The following RBFOX1 variants were observed in gnomAD, a reference collection of about 807,000 sequenced individuals.
RBFOX1 encodes RNA binding protein fox-1 homolog 1.
RBFOX1 carries 8 observed loss-of-function variants against 57.7 expected under a neutral mutation model. The ratio of observed to expected loss-of-function variants is 0.14; its 90% CI spans 0.08 to 0.25. RBFOX1 has a LOEUF of 0.25. RBFOX1 is among the 10% of genes least tolerant of loss of function. The pLI is 1.00. For synonymous variants in RBFOX1, 326 were observed against 222.4 expected, an observed-to-expected ratio of 1.47 and a Z score of -4.15; for missense variants, 611 against 548.5, an observed-to-expected ratio of 1.11 and a Z score of -1.14.
chr16:5,722,853 T>C (rs2051987452), intron 3 of RBFOX1, among the ~76,000 whole-genome samples: 2 of 152,236 alleles, frequency 1.3e-5, no homozygotes, highest in African/African-American at 4.8e-5. Flanking sequence ...CCCTACCCTC[T>C]GCCACTTAAC....
intron 3 of RBFOX1, among the ~76,000 whole-genome samples, chr16:6,731,769 T>A (rs968618348): frequency 6.6e-6 from 1 of 152,160 alleles, no homozygotes; most frequent in Non-Finnish European, 1.5e-5. Flanking sequence ...TTCTTCCCTG[T>A]GCTAATTTCT....
At chr16:6,152,690 A>T (rs1347884895) in intron 1 of RBFOX1, among the ~76,000 whole-genome samples, 1 of 74,364 alleles carries the variant, frequency 1.3e-5, no homozygotes, top group Non-Finnish European at 3.1e-5. Context: ...GTACCTTCAA[A>T]TCACATATGA....
chr16:7,573,557 G>A (rs1043033249), intron 5 of RBFOX1, among the ~76,000 whole-genome samples: 3 of 152,184 alleles, frequency 2.0e-5, no homozygotes, highest in African/African-American at 7.2e-5. Context: ...TTTATGGCCA[G>A]GCACAGTGGC....
intron 2 of RBFOX1, among the ~76,000 whole-genome samples, chr16:6,351,352 G>GTGTATATATA (rs1474177476): frequency 6.1e-4 from 56 of 92,432 alleles, no homozygotes; most frequent in African/African-American, 2.6e-3. Flanking sequence ...GTGTGTGTGT[G>GTGTATATATA]TATATATATA....
intron 2 of RBFOX1, among the ~76,000 whole-genome samples, chr16:6,432,566 C>T (rs185672102): frequency 2.6e-5 from 4 of 151,784 alleles, no homozygotes; most frequent in East Asian, 1.9e-4. Flanking sequence ...CCTGTAATCC[C>T]AGCTTCTGGG....
At chr16:6,762,601 A>G (rs145124169) in intron 3 of RBFOX1, among the ~76,000 whole-genome samples, 77 of 152,316 alleles carry the variant, frequency 5.1e-4, no homozygotes, top group African/African-American at 1.8e-3. Flanking sequence ...AATCTTAGAT[A>G]TGAAAGGAAC....
At chr16:7,591,162 A>G (rs746566508) in intron 7 of RBFOX1, among the ~76,000 whole-genome samples, 3 of 152,148 alleles carry the variant, frequency 2.0e-5, no homozygotes, top group Non-Finnish European at 4.4e-5. Flanking sequence ...AGAATTTCCC[A>G]GGGAGGGGAA....
At chr16:7,337,201 G>A (rs751142828) in intron 4 of RBFOX1, among the ~76,000 whole-genome samples, 1 of 152,124 alleles carries the variant, frequency 6.6e-6, no homozygotes, top group African/African-American at 2.4e-5. Flanking sequence ...ATTTGGACTG[G>A]ATTTGTTGAA....
intron 3 of RBFOX1, among the ~76,000 whole-genome samples, chr16:6,769,935 G>A (rs143630868): frequency 7.4e-4 from 113 of 152,258 alleles, no homozygotes; most frequent in Non-Finnish European, 1.3e-3. Context: ...GGGGGATTTC[G>A]TGAACTGTTC....
chr16:5,504,479 A>T (rs2043308831), intron 2 of RBFOX1, among the ~76,000 whole-genome samples: 1 of 152,254 alleles, frequency 6.6e-6, no homozygotes, highest in Non-Finnish European at 1.5e-5. Context: ...GAGCTGAGGC[A>T]GTCACTGTCC....
At chr16:5,543,933 C>G (rs1434334955) in intron 2 of RBFOX1, among the ~76,000 whole-genome samples, 1 of 152,116 alleles carries the variant, frequency 6.6e-6, no homozygotes. Flanking sequence ...AAAGTCCAAA[C>G]CTGAAATAAC....
chr16:6,976,517 G>A (rs1341355221), intron 3 of RBFOX1, among the ~76,000 whole-genome samples: 1 of 151,992 alleles, frequency 6.6e-6, no homozygotes, highest in African/African-American at 2.4e-5. Flanking sequence ...AAAGAATTTG[G>A]GGTGAGTCCA....
rs556803850 is a variant in RBFOX1, at chr16:7,148,386, C to A, written c.27+96288C>A. 2.0e-5 allele frequency among the ~76,000 whole-genome samples: 3 copies of A among 152,288 alleles called. No individual in the cohort carries two copies. In the East Asian group the frequency reaches 5.8e-4, roughly 29 times the overall value. On this transcript the variant is annotated intron_variant, in intron 4 of 15. Coordinates refer to ENST00000550418, the MANE Select transcript of RBFOX1 (RefSeq NM_018723.4). ...TTATCATATTAATTTTTTGCATTAA[C>A]CAACACTCCCCTCTTTTGAATTTTC...
chr16:5,937,819 T>C (rs1006285551), intron 4 of RBFOX1, among the ~76,000 whole-genome samples: 1 of 150,320 alleles, frequency 6.7e-6, no homozygotes, highest in Non-Finnish European at 1.5e-5. Context: ...TACAAATATA[T>C]GTTCATAGTA....
chr16:6,889,904 A>G (rs942578061), intron 3 of RBFOX1, among the ~76,000 whole-genome samples: 49 of 152,338 alleles, frequency 3.2e-4, no homozygotes, highest in Middle Eastern at 3.4e-3. Context: ...AACACATTGT[A>G]TAGCATTCAA....
chr16:6,173,669 G>T (rs895416376), intron 1 of RBFOX1, among the ~76,000 whole-genome samples: 1 of 135,386 alleles, frequency 7.4e-6, no homozygotes, highest in Non-Finnish European at 1.5e-5. Context: ...GAGTGCAGTG[G>T]CACAATGTCA....
intron 3 of RBFOX1, among the ~76,000 whole-genome samples, chr16:6,673,585 C>T (rs570601569): frequency 6.6e-6 from 1 of 152,070 alleles, no homozygotes; most frequent in Non-Finnish European, 1.5e-5. Context: ...GCCTGGGAGA[C>T]AGAGCGAGAC....
At chr16:7,268,934 G>C (rs890096713) in intron 4 of RBFOX1, among the ~76,000 whole-genome samples, 1 of 151,102 alleles carries the variant, frequency 6.6e-6, no homozygotes, top group South Asian at 2.1e-4. Context: ...CTACTCAGGA[G>C]CCTGAGGCAG....
At chr16:7,314,401 A>T (rs1219534830) in intron 4 of RBFOX1, among the ~76,000 whole-genome samples, 3 of 152,174 alleles carry the variant, frequency 2.0e-5, no homozygotes, top group Non-Finnish European at 4.4e-5. Context: ...CTGCTTCATA[A>T]ATCAAAAGAA....
Sources: gnomAD v4.1 joint callset for allele counts (sites outside exome capture counted in the v4.1 genomes callset) on GRCh38, gnomAD v4.1.1 for gene constraint, MANE v1.5 for transcripts, NCBI Gene and HGNC (gene_info 2026-07-23, HGNC 2026-07-21) for gene names.